KMT2A: variants seen among roughly 807,000 people sequenced by gnomAD.
KMT2A encodes lysine methyltransferase 2A, also known as histone-lysine N-methyltransferase 2A.
In KMT2A, 16 loss-of-function variants were observed where a neutral mutation model predicts 345.3. That is an observed-to-expected ratio of 0.05 (90% CI 0.03 to 0.07). KMT2A has a LOEUF of 0.07. Among genes scored for constraint, KMT2A ranks in the 10% least tolerant of loss-of-function variants. The pLI is 1.00. For synonymous variants in KMT2A, 1,599 were observed against 1,778.6 expected, an observed-to-expected ratio of 0.90 and a Z score of 2.54; for missense variants, 3,272 against 4,841.6, an observed-to-expected ratio of 0.68 and a Z score of 9.62.
chr11:118,475,724 A>G (rs1212443673), intron 3 of KMT2A, among the ~76,000 whole-genome samples: 1 of 152,138 alleles, frequency 6.6e-6, no homozygotes, highest in Admixed American at 6.5e-5. Flanking sequence ...CTCCGTCTCT[A>G]AAAAAATAAA....
intron 15 of KMT2A, among the ~76,000 whole-genome samples, chr11:118,492,140 A>T (rs1331317316): frequency 6.6e-6 from 1 of 152,342 alleles, no homozygotes; most frequent in East Asian, 1.9e-4. Flanking sequence ...TGTTACAATG[A>T]GAAATTTGGA....
rs1950926204 is a variant in KMT2A, at chr11:118,520,133, G to A, written c.11429+69G>A. On this transcript the variant is annotated intron_variant, in intron 33 of 35. Transcript: ENST00000534358. This position sits in a 1 kb window ranked among gnomAD's most constrained non-coding sequence, Gnocchi z 4.3. Reference sequence around the variant, plus strand: ...CTCCTCCAGCTGGTCAGGGCACTACGTAGGAATTTGTTTGCATCAGAATTT... The same window carrying A: ...CTCCTCCAGCTGGTCAGGGCACTACATAGGAATTTGTTTGCATCAGAATTT... The A allele has an allele frequency of 9.0e-6, 9 of 1,003,060 alleles. No individual in the cohort carries two copies. The highest frequency in any genetic ancestry group is 7.2e-5 in the Admixed American group (3 of 41,766). 62.1% of individuals were successfully genotyped at this position (1,003,060 alleles called of 1,614,324 possible).
chr11:118,511,565 AG>A (rs1289207693), intron 30 of KMT2A, among the ~76,000 whole-genome samples: 2 of 152,240 alleles, frequency 1.3e-5, no homozygotes, highest in African/African-American at 4.8e-5. Context: ...ATCTTCCCAC[AG>A]TCCTGCTTAA....
At position 118,472,673 on chromosome 11, in the gene KMT2A, A is replaced by G; in HGVS notation, c.1514A>G (p.Asp505Gly). 1.2e-6 allele frequency: 2 copies of G among 1,613,180 alleles called. No homozygotes were observed. Among genetic ancestry groups the G allele is most frequent in the Non-Finnish European group, 1.7e-6 (2 of 1,179,872 alleles). ...CAGGTACTTCCTGAGGAGCGGAGCG[A>G]TACCCCTGAAGTTCATCCTCCACTG... ...EIQVLPEERS[D>G]TPEVHPPLPI... Residue 505 changes from aspartate (D) to glycine (G), a missense_variant, in exon 3 of 36, where the codon GAT becomes GGT. Physicochemically the swap from Asp to Gly is moderately conservative, Grantham distance 94. This residue lies in a region of KMT2A where 180 missense variants were observed against 190.7 expected (regional missense o/e 0.94). Transcript: ENST00000534358.
intron 28 of KMT2A, among the ~76,000 whole-genome samples, 179 bp from the exon 29 acceptor site, chr11:118,508,957 T>C (rs1301558591): frequency 1.3e-5 from 2 of 152,190 alleles, no homozygotes; most frequent in Non-Finnish European, 2.9e-5. Context: ...AAGAGTTTTA[T>C]GTTATGTACC....
Position 118,484,319 on chromosome 11 carries a change from A to G in KMT2A, c.4218+5A>G, listed in dbSNP as rs781822024. The stretch of plus-strand genomic sequence containing the variant: ...AGGATCAGAGTGGACTTTAAGGTAA[A>G]GGTGTTCAGTGATCATAAAGTATAT... On this transcript the variant is annotated splice_donor_5th_base_variant and intron_variant, in intron 9 of 35. Coordinates refer to ENST00000534358, the MANE Select transcript of KMT2A (RefSeq NM_001197104.2). The surrounding 1 kb of genome is among the most constrained non-coding windows in gnomAD (Gnocchi z 4.1). 2.5e-6 allele frequency: 4 copies of G among 1,613,748 alleles called. No homozygotes were observed. Among genetic ancestry groups the G allele is most frequent in the Middle Eastern group, 1.7e-4 (1 of 6,058 alleles).
At chr11:118,447,710 T>A (rs1555027572) in intron 1 of KMT2A, 1 of 441,522 alleles carries the variant, frequency 2.3e-6, no homozygotes, top group Admixed American at 2.6e-5. Flanking sequence ...AAGTCAGTCC[T>A]ATGAGGAAAG....
intron 1 of KMT2A, chr11:118,450,606 A>G (rs1591351322): frequency 6.6e-6 from 1 of 152,278 alleles, no homozygotes; most frequent in East Asian, 1.9e-4. Context: ...AGAACAGAGA[A>G]TTATTGTCTT....
In KMT2A at chr11:118,506,365, C is replaced by A. The variant is rs370519458; in HGVS notation, c.10473C>A (p.Asp3491Glu). Residue 3491 changes from aspartate (D) to glutamate (E), a missense_variant, in exon 27 of 36, where the codon GAC becomes GAA. Coordinates refer to ENST00000534358, the MANE Select transcript of KMT2A (RefSeq NM_001197104.2). ...PQVSNFTQTV[D>E]APNSMGLEQN... ...TATCCAACTTTACCCAGACGGTAGA[C>A]GCTCCTAATAGCATGGGACTGGAGC... 6.2e-7 allele frequency: 1 copy of A among 1,614,166 alleles called. No individual in the cohort carries two copies. The highest frequency in any genetic ancestry group is 2.2e-5 in the East Asian group (1 of 44,890).
In KMT2A at chr11:118,522,217, A is replaced by T; in HGVS notation, c.*45A>T. On this transcript the variant is annotated 3_prime_UTR_variant, in exon 36 of 36. Coordinates refer to ENST00000534358, the MANE Select transcript of KMT2A (RefSeq NM_001197104.2). This position sits in a 1 kb window ranked among gnomAD's most constrained non-coding sequence, Gnocchi z 5.4. ...TGTTGGAGTGCAAGGAGGCGGGGCC[A>T]TCCAAAGCAACGCTGAAGGCCTTTT... The T allele has an allele frequency of 6.3e-7, 1 of 1,599,386 alleles. No individual in the cohort carries two copies. Among genetic ancestry groups the T allele is most frequent in the African/African-American group, 1.3e-5 (1 of 74,720 alleles).
rs1034993091 is a variant in KMT2A at position 118,491,844 on chromosome 11, A to G, written c.4920A>G (p.Glu1640=). Reference sequence around the variant, plus strand: ...CTGCAGAGTGGCGACTGGCCCTTGAAAAAGAGCTGCAGATTTCTCTGAAGC... The same window carrying G: ...CTGCAGAGTGGCGACTGGCCCTTGAGAAAGAGCTGCAGATTTCTCTGAAGC... ...RHPAEWRLAL[E]KELQISLKQV... The change falls in exon 15 of 36, where the codon GAA becomes GAG. Residue 1640 remains glutamate (E), a synonymous_variant. Transcript: ENST00000534358. This position sits in a 1 kb window ranked among gnomAD's most constrained non-coding sequence, Gnocchi z 4.2. 1 of 1,614,178 alleles carries G rather than the reference A, an allele frequency of 6.2e-7. No homozygotes were observed. The highest frequency in any genetic ancestry group is 1.1e-5 in the South Asian group (1 of 91,074).
rs1005776506 is a variant in KMT2A, at chr11:118,491,052, T to A, written c.4697-144T>A. Reference sequence around the variant, plus strand: ...GAATAATCTTGAGACTGCAGATGTGTGAACATTCCACAGTAGATCCATGCT... The same window carrying A: ...GAATAATCTTGAGACTGCAGATGTGAGAACATTCCACAGTAGATCCATGCT... On this transcript the variant is annotated intron_variant, in intron 13 of 35. Transcript: ENST00000534358. This position sits in a 1 kb window ranked among gnomAD's most constrained non-coding sequence, Gnocchi z 4.2. The A allele has an allele frequency of 4.2e-6, 3 of 711,668 alleles. No individual in the cohort carries two copies. The highest frequency in any genetic ancestry group is 6.5e-6 in the Non-Finnish European group (3 of 459,486). The allele number at this position is 711,668 out of a possible 1,614,324, so 44.1% of individuals were successfully genotyped here.
At chr11:118,512,400 C>T in intron 31 of KMT2A, 1 of 214,954 alleles carries the variant, frequency 4.7e-6, no homozygotes, top group Non-Finnish European at 9.2e-6. Context: ...CCTTTTGTGA[C>T]CGTCTTCTTT....
intron 4 of KMT2A, among the ~76,000 whole-genome samples, chr11:118,477,228 G>A (rs1171283144): frequency 5.3e-5 from 8 of 152,162 alleles, no homozygotes; most frequent in Admixed American, 1.3e-4. Flanking sequence ...AGGAGCAGGG[G>A]AAGGAAGGCA....
rs1247632425 is a variant in KMT2A, at chr11:118,520,294, T to C, written c.11429+230T>C. 7.1e-5 allele frequency: 37 copies of C among 517,850 alleles called. No individual in the cohort carries two copies. In the East Asian group the frequency reaches 7.9e-4, roughly 11 times the overall value. 32.1% of individuals were successfully genotyped at this position (517,850 alleles called of 1,614,324 possible). On this transcript the variant is annotated intron_variant, in intron 33 of 35. Coordinates refer to ENST00000534358, the MANE Select transcript of KMT2A (RefSeq NM_001197104.2). This position sits in a 1 kb window ranked among gnomAD's most constrained non-coding sequence, Gnocchi z 4.3. ...ATGCCTGTTTTCTTTAATGATAGTATACTCTGTCAGCTTTGGTTGTACCAC... is the reference window on the plus strand; with the variant it reads ...ATGCCTGTTTTCTTTAATGATAGTACACTCTGTCAGCTTTGGTTGTACCAC...
At position 118,520,775 on chromosome 11, in the gene KMT2A, T is replaced by A; in HGVS notation, c.11430-27T>A. The A allele has an allele frequency of 6.4e-7, 1 of 1,556,198 alleles. No individual in the cohort carries two copies. Among genetic ancestry groups the A allele is most frequent in the Non-Finnish European group, 8.9e-7 (1 of 1,127,416 alleles). The stretch of plus-strand genomic sequence containing the variant: ...CAAAACATTATTTCCTGAAAAAAAT[T>A]CGTTAATAGTATGTCTTATCTCTTA... On this transcript the variant is annotated intron_variant, in intron 33 of 35. Coordinates refer to ENST00000534358, the MANE Select transcript of KMT2A (RefSeq NM_001197104.2). The surrounding 1 kb of genome is among the most constrained non-coding windows in gnomAD (Gnocchi z 4.3).
At chr11:118,440,779 G>A (rs1389572417) in intron 1 of KMT2A, among the ~76,000 whole-genome samples, 3 of 150,286 alleles carry the variant, frequency 2.0e-5, no homozygotes, top group Non-Finnish European at 4.4e-5. Flanking sequence ...GTAGGAGAGC[G>A]TGATTTTTTT....
At position 118,436,715 on chromosome 11, in the gene KMT2A, G is replaced by C; in HGVS notation, c.203G>C (p.Gly68Ala). The change falls in exon 1 of 36, where the codon GGA (glycine) becomes GCA (alanine). Residue 68 changes from glycine (G) to alanine (A), a missense_variant. Physicochemically the swap from Gly to Ala is moderately conservative, Grantham distance 60 (BLOSUM62 0). Transcript: ENST00000534358. The surrounding 1 kb of genome is among the most constrained non-coding windows in gnomAD (Gnocchi z 6.9). ...PAVAAAAAAA[G>A]SSGAGVPGGA... Reference sequence around the variant, plus strand: ...GTGGCGGCCGCGGCGGCGGCGGCGGGAAGCAGCGGGGCTGGGGTTCCAGGG... The same window carrying C: ...GTGGCGGCCGCGGCGGCGGCGGCGGCAAGCAGCGGGGCTGGGGTTCCAGGG... The C allele has an allele frequency of 7.2e-7, 1 of 1,388,734 alleles. No homozygotes were observed. Among genetic ancestry groups the C allele is most frequent in the Non-Finnish European group, 9.4e-7 (1 of 1,065,888 alleles). The allele number at this position is 1,388,734 out of a possible 1,614,324, so 86.0% of individuals were successfully genotyped here. A position where few individuals can be genotyped will look rare whatever the true frequency, so the allele number is the denominator to read the frequency against.
chr11:118,515,299 C>A (rs1950787438), intron 31 of KMT2A, among the ~76,000 whole-genome samples: 1 of 152,224 alleles, frequency 6.6e-6, no homozygotes, highest in Non-Finnish European at 1.5e-5. Flanking sequence ...CCTGTTAATC[C>A]TTTAAGACTT....
Sources: gnomAD v4.1 joint callset for allele counts (sites outside exome capture counted in the v4.1 genomes callset) on GRCh38, gnomAD v4.1.1 for gene constraint, gnomAD v4.1.1 regional missense constraint, Gnocchi (gnomAD v3.1) non-coding constraint, MANE v1.5 for transcripts, NCBI Gene and HGNC (gene_info 2026-07-23, HGNC 2026-07-21) for gene names.